The following KHDC4 variants were observed in gnomAD, a reference collection of about 807,000 sequenced individuals.
KHDC4 encodes KH domain containing 4, pre-mRNA splicing factor.
Under a neutral mutation model 74.5 loss-of-function variants are expected in KHDC4, and 19 were observed. The observed-to-expected ratio is 0.26, with a 90% confidence interval of 0.18 to 0.37. The LOEUF (loss-of-function observed/expected upper bound fraction) is 0.37. Ranked by LOEUF, KHDC4 falls within the 10% of genes least tolerant of loss-of-function variation. The pLI is 1.00. For missense variants in KHDC4, 632 were observed against 754.1 expected, an observed-to-expected ratio of 0.84 and a Z score of 1.90; for synonymous variants, 253 against 266.1, an observed-to-expected ratio of 0.95 and a Z score of 0.48.
rs774163141 is a variant in KHDC4 at position 155,917,524 on chromosome 1, C to T, written c.1415G>A (p.Arg472Gln). Residue 472 changes from arginine (R) to glutamine (Q), a missense_variant, in exon 11 of 14, where the codon CGG becomes CAG. Physicochemically the swap from Arg to Gln is conservative, Grantham distance 43. Around this residue, in one of 4 missense-constraint regions of KHDC4, gnomAD observed 254 missense variants for 267.4 expected, o/e 0.95. Coordinates refer to ENST00000368321, the MANE Select transcript of KHDC4 (RefSeq NM_014949.4). ...RRFTEELPDE[R>Q]ESGLLGYQHG... ...CTGGTATCCAAGCAGTCCAGATTCC[C>T]GTTCATCTGGTAGCTCCTCTGTGAA... 2.2e-5 allele frequency: 33 copies of T among 1,531,220 alleles called. No individual in the cohort carries two copies. The highest frequency in any genetic ancestry group is 1.8e-4 in the Middle Eastern group (1 of 5,480). The allele number at this position is 1,531,220 out of a possible 1,614,324, so 94.9% of individuals were successfully genotyped here.
rs748492485 is a variant in KHDC4 at position 155,927,140 on chromosome 1, G to A, written c.481C>T (p.Leu161Phe). 6.2e-7 allele frequency: 1 copy of A among 1,613,796 alleles called. No individual in the cohort carries two copies. Among genetic ancestry groups the A allele is most frequent in the South Asian group, 1.1e-5 (1 of 91,072 alleles). Residue 161 changes from leucine to phenylalanine, a missense_variant, in exon 5 of 14, where the codon CTT becomes TTT. Physicochemically the swap from Leu to Phe is conservative, Grantham distance 22. Transcript: ENST00000368321. The stretch of plus-strand genomic sequence containing the variant: ...TCCCGTGTCTGGCCCTGAACATGAA[G>A]ATATAATGGACGATCCCTATAAAGA... ...KVGPGDRPLYLHVQGQTRELV... is the reference protein window; with the variant it reads ...KVGPGDRPLYFHVQGQTRELV...
intron 10 of KHDC4, chr1:155,919,973 T>A: frequency 1.9e-6 from 1 of 518,576 alleles, no homozygotes; most frequent in Non-Finnish European, 3.9e-6. Context: ...GGTTCGAGGC[T>A]GCCATTTGCT....
intron 8 of KHDC4, among the ~76,000 whole-genome samples, chr1:155,923,121 C>T (rs1216330872): frequency 6.7e-6 from 1 of 150,286 alleles, no homozygotes; most frequent in South Asian, 2.1e-4. Flanking sequence ...AGGAGAATGG[C>T]GTGAACCCGG....
intron 10 of KHDC4, 99 bp from the exon 11 acceptor site, chr1:155,917,771 T>C (rs1376272367): frequency 4.6e-6 from 5 of 1,082,352 alleles, no homozygotes; most frequent in East Asian, 5.4e-5. Context: ...ATAAGTATCA[T>C]ATGAATTTTG....
intron 11 of KHDC4, 47 bp downstream of exon 11, chr1:155,917,452 A>T: frequency 7.2e-7 from 1 of 1,393,638 alleles, no homozygotes; most frequent in Non-Finnish European, 1.0e-6. Context: ...GGGAGAATAT[A>T]GTAGAAGAAT....
Position 155,918,973 on chromosome 1 carries a change from T to TG in KHDC4, c.1267-1302_1267-1301insC, listed in dbSNP as rs1673792824. Among the ~76,000 whole-genome samples, 6 of 56,608 alleles carry TG rather than the reference T, an allele frequency of 1.1e-4. No homozygotes were observed. In the South Asian group the frequency reaches 1.9e-3, roughly 18 times the overall value. The allele number at this position is 56,608 out of a possible 152,430, so 37.1% of individuals were successfully genotyped here. On this transcript the variant is annotated intron_variant, in intron 10 of 13. Coordinates refer to ENST00000368321, the MANE Select transcript of KHDC4 (RefSeq NM_014949.4). ...TGTCAATCTAATTCTAACTCCCAGTTTTTTTTTTTTTTTTTTTTTGAGTTT... is the reference window on the plus strand; with the variant it reads ...TGTCAATCTAATTCTAACTCCCAGTTGTTTTTTTTTTTTTTTTTTTGAGTTT...
intron 10 of KHDC4, 175 bp downstream of exon 10, chr1:155,921,200 A>C: frequency 7.5e-6 from 5 of 663,190 alleles, no homozygotes; most frequent in Non-Finnish European, 1.3e-5. Context: ...AGGATGACAT[A>C]CACACATACA....
At chr1:155,933,293 T>G (rs1221637444) in intron 2 of KHDC4, among the ~76,000 whole-genome samples, 1 of 147,754 alleles carries the variant, frequency 6.8e-6, no homozygotes, top group Non-Finnish European at 1.5e-5. Flanking sequence ...ACAAACAACT[T>G]TTTTTTTTTT....
chr1:155,925,008 GTA>G (rs1003255182), intron 7 of KHDC4, among the ~76,000 whole-genome samples: 2 of 146,132 alleles, frequency 1.4e-5, no homozygotes, highest in African/African-American at 5.0e-5. Flanking sequence ...GGATTAAGGT[GTA>G]CACCATAACA....
intron 7 of KHDC4, among the ~76,000 whole-genome samples, chr1:155,923,932 T>C (rs528546333): frequency 6.6e-6 from 1 of 152,360 alleles, no homozygotes; most frequent in African/African-American, 2.4e-5. Flanking sequence ...TATAAAAATG[T>C]TTAAAGTTCA....
At chr1:155,918,582 C>T (rs573081013) in intron 10 of KHDC4, among the ~76,000 whole-genome samples, 27 of 152,246 alleles carry the variant, frequency 1.8e-4, no homozygotes, top group Admixed American at 3.9e-4. Context: ...CTAGGCTATA[C>T]GATATGGCCT....
chr1:155,923,940 T>C (rs1673924135), intron 7 of KHDC4, among the ~76,000 whole-genome samples: 1 of 152,220 alleles, frequency 6.6e-6, no homozygotes, highest in Non-Finnish European at 1.5e-5. Context: ...TGTTTAAAGT[T>C]CATAAAATTA....
rs142585283 is a variant in KHDC4 at position 155,925,760 on chromosome 1, T to G, written c.765A>C (p.Pro255=). 500 of 1,614,170 alleles carry G rather than the reference T, an allele frequency of 3.1e-4. 2 individuals are homozygous for G. The African/African-American group carries it at 6.2e-3, about 20-fold the overall frequency. ...GAATGTGCTGCAAATAGGAGCAGCC[T>G]GGACCTTCCACCTTCTCCTTGACAT... The part of the protein sequence containing the change: ...TFNVKEKVEG[P]GCSYLQHIQI... The change falls in exon 7 of 14, where the codon CCA becomes CCC. Residue 255 remains proline, a synonymous_variant. Transcript: ENST00000368321.
In KHDC4 at chr1:155,919,449, C is replaced by T. The variant is rs111628458; in HGVS notation, c.1267-1777G>A. On this transcript the variant is annotated intron_variant, in intron 10 of 13. Coordinates refer to ENST00000368321, the MANE Select transcript of KHDC4 (RefSeq NM_014949.4). ...CTAGCATTTTGGAAGTCCGAGGCTGCGGATCACCTGAGGTCAGGAGTTTGT... is the reference window on the plus strand; with the variant it reads ...CTAGCATTTTGGAAGTCCGAGGCTGTGGATCACCTGAGGTCAGGAGTTTGT... 7.4e-4 allele frequency among the ~76,000 whole-genome samples: 112 copies of T among 152,220 alleles called. 1 individual carries two copies. Among genetic ancestry groups the T allele is most frequent in the African/African-American group, 2.6e-3 (110 of 41,530 alleles).
chr1:155,922,604 T>C (rs1277199704), intron 8 of KHDC4, among the ~76,000 whole-genome samples: 1 of 152,218 alleles, frequency 6.6e-6, no homozygotes, highest in African/African-American at 2.4e-5. Flanking sequence ...AAGTTGTTAG[T>C]ATAACTGGTG....
At chr1:155,930,726 C>T (rs1204148367) in intron 2 of KHDC4, among the ~76,000 whole-genome samples, 3 of 152,198 alleles carry the variant, frequency 2.0e-5, no homozygotes, top group Non-Finnish European at 4.4e-5. Context: ...ATTCCTCACT[C>T]TATTACAGCA....
intron 10 of KHDC4, chr1:155,920,134 T>C: frequency 3.2e-6 from 1 of 309,346 alleles, no homozygotes; most frequent in Non-Finnish European, 6.8e-6. Flanking sequence ...CCTAAAATTC[T>C]ACTTTCATGA....
At chr1:155,933,985 T>A (rs1196020673) in intron 1 of KHDC4, 136 bp from the exon 2 acceptor site, 2 of 696,724 alleles carry the variant, frequency 2.9e-6, no homozygotes, top group Non-Finnish European at 2.3e-6. Context: ...AATCTAAAAC[T>A]CCCCTCTCCT....
At chr1:155,917,722 G>A in intron 10 of KHDC4, 50 bp from the exon 11 acceptor site, 2 of 1,352,382 alleles carry the variant, frequency 1.5e-6, no homozygotes, top group South Asian at 3.0e-5. Flanking sequence ...AATGCCCAAG[G>A]AATAAGTAAA....
Sources: gnomAD v4.1 joint callset for allele counts (sites outside exome capture counted in the v4.1 genomes callset) on GRCh38, gnomAD v4.1.1 for gene constraint, gnomAD v4.1.1 regional missense constraint, MANE v1.5 for transcripts, NCBI Gene and HGNC (gene_info 2026-07-23, HGNC 2026-07-21) for gene names.